Variants in TRIM3 observed in about 807,000 individuals in gnomAD.
TRIM3 encodes tripartite motif-containing protein 3.
TRIM3 carries 13 observed loss-of-function variants against 66.6 expected under a neutral mutation model. The ratio of observed to expected loss-of-function variants is 0.20; its 90% CI spans 0.13 to 0.31. TRIM3 has a LOEUF of 0.31. Among genes scored for constraint, TRIM3 ranks in the 10% least tolerant of loss-of-function variants. TRIM3 has a pLI of 1.00. For missense variants in TRIM3, 711 were observed against 1,020.4 expected (o/e 0.70, Z 4.13); for synonymous variants, 406 against 411.7 (o/e 0.99, Z 0.17).
At chr11:6,470,005 C>G (rs1477091572) in intron 1 of TRIM3, among the ~76,000 whole-genome samples, 3 of 152,172 alleles carry the variant, frequency 2.0e-5, no homozygotes, top group Non-Finnish European at 4.4e-5. Context: ...AAAGATATAT[C>G]ATGCAATGCC....
intron 7 of TRIM3, among the ~76,000 whole-genome samples, chr11:6,453,802 A>G (rs1054942905): frequency 6.6e-6 from 1 of 152,240 alleles, no homozygotes; most frequent in South Asian, 2.1e-4. Flanking sequence ...CCACCATAGA[A>G]GTGTCCAAAA....
chr11:6,472,789 A>G (rs1751679436), intron 1 of TRIM3, among the ~76,000 whole-genome samples: 1 of 152,246 alleles, frequency 6.6e-6, no homozygotes, highest in South Asian at 2.1e-4. Context: ...GCTTTTCCAC[A>G]GCAGAAAGTA....
chr11:6,467,455 C>A (rs1320506778), intron 1 of TRIM3, among the ~76,000 whole-genome samples: 1 of 152,112 alleles, frequency 6.6e-6, no homozygotes. Flanking sequence ...CATGAAGGAC[C>A]TTATAACCGC....
chr11:6,450,605 A>T lies in TRIM3; in HGVS notation c.1887T>A (p.Ala629=). 6.2e-7 allele frequency: 1 copy of T among 1,614,232 alleles called. No homozygotes were observed. The highest frequency in any genetic ancestry group is 8.5e-7 in the Non-Finnish European group (1 of 1,180,044). The part of the protein sequence containing the change: ...DRHFAGPHFV[A]VNNKNEIVVT... ...CTACAATTTCATTCTTGTTGTTCAC[A>T]GCCACAAAATGGGGCCCTGAAAATA... The change falls in exon 10 of 12, where the codon GCT becomes GCA. Residue 629 remains alanine, a synonymous_variant. Coordinates refer to ENST00000345851, the MANE Select transcript of TRIM3 (RefSeq NM_033278.4). This position sits in a 1 kb window ranked among gnomAD's most constrained non-coding sequence, Gnocchi z 4.8.
At chr11:6,469,245 C>G (rs1850587746) in intron 1 of TRIM3, among the ~76,000 whole-genome samples, 1 of 152,144 alleles carries the variant, frequency 6.6e-6, no homozygotes, top group Admixed American at 6.5e-5. Context: ...CTCTCCAAGC[C>G]TAGGGGCTCT....
In TRIM3 at chr11:6,450,709, T is replaced by A. The variant is rs917090314; in HGVS notation, c.1871-88A>T. ...ATCTGGGAAGATAAAAGCTAGGGTG[T>A]TAGGAGAGGGGTGGGGTCTCCAGGA... On this transcript the variant is annotated intron_variant, in intron 9 of 11. Transcript: ENST00000345851. This position sits in a 1 kb window ranked among gnomAD's most constrained non-coding sequence, Gnocchi z 4.8. 9.0e-6 allele frequency: 13 copies of A among 1,451,860 alleles called. No homozygotes were observed. Among genetic ancestry groups the A allele is most frequent in the Middle Eastern group, 1.8e-4 (1 of 5,586 alleles). The allele number at this position is 1,451,860 out of a possible 1,614,324, so 89.9% of individuals were successfully genotyped here.
intron 2 of TRIM3, among the ~76,000 whole-genome samples, chr11:6,464,986 CAAAAAAAA>C (rs544959608): frequency 6.6e-4 from 36 of 54,176 alleles, no homozygotes; most frequent in Admixed American, 1.6e-3. Flanking sequence ...GACTCCATCT[CAAAAAAAA>C]AAAAAAAAAA....
At chr11:6,462,396 TTTC>T (rs1850284982) in intron 2 of TRIM3, among the ~76,000 whole-genome samples, 1 of 151,956 alleles carries the variant, frequency 6.6e-6, no homozygotes, top group South Asian at 2.1e-4. Context: ...CTTGGAAATA[TTTC>T]TTTTTTTTTA....
Position 6,457,074 on chromosome 11 carries a change from G to A in TRIM3, c.697-45C>T. 1.3e-6 allele frequency: 2 copies of A among 1,556,140 alleles called. No homozygotes were observed. Among genetic ancestry groups the A allele is most frequent in the Non-Finnish European group, 1.7e-6 (2 of 1,153,098 alleles). ...GAGTGGGTGAGCAGACTGGCACAGG[G>A]GGAGTCTCTGTGATTACTGAAGTTG... On this transcript the variant is annotated intron_variant, in intron 5 of 11. Transcript: ENST00000345851. This position sits in a 1 kb window ranked among gnomAD's most constrained non-coding sequence, Gnocchi z 4.5.
chr11:6,458,818 C>T lies in TRIM3; in HGVS notation c.132-522G>A, dbSNP rs527434404. On this transcript the variant is annotated intron_variant, in intron 2 of 11. Transcript: ENST00000345851. This position sits in a 1 kb window ranked among gnomAD's most constrained non-coding sequence, Gnocchi z 6.2. ...TGCCCAGGCCCAACACCCCGTTGGTCACCTGTTATACTGTATGACCCCTGA... is the reference window on the plus strand; with the variant it reads ...TGCCCAGGCCCAACACCCCGTTGGTTACCTGTTATACTGTATGACCCCTGA... Among the ~76,000 whole-genome samples the T allele has an allele frequency of 1.3e-5, 2 of 152,250 alleles. No individual in the cohort carries two copies. Among genetic ancestry groups the T allele is most frequent in the Middle Eastern group, 3.4e-3 (1 of 294 alleles).
At chr11:6,463,685 G>C (rs1052463263) in intron 2 of TRIM3, among the ~76,000 whole-genome samples, 1 of 152,156 alleles carries the variant, frequency 6.6e-6, no homozygotes, top group Admixed American at 6.5e-5. Context: ...TAATGGGAGT[G>C]GGGTAACGGG....
At chr11:6,468,790 T>C (rs920000955) in intron 1 of TRIM3, among the ~76,000 whole-genome samples, 1 of 152,168 alleles carries the variant, frequency 6.6e-6, no homozygotes, top group African/African-American at 2.4e-5. Context: ...AAATAGGCAA[T>C]GAATAGGACC....
chr11:6,457,591 G>T lies in TRIM3; in HGVS notation c.515+105C>A. 1.9e-6 allele frequency: 3 copies of T among 1,552,248 alleles called. No homozygotes were observed. On this transcript the variant is annotated intron_variant, in intron 4 of 11. Coordinates refer to ENST00000345851, the MANE Select transcript of TRIM3 (RefSeq NM_033278.4). This position sits in a 1 kb window ranked among gnomAD's most constrained non-coding sequence, Gnocchi z 4.5. ...GAGATCTCCTTCCTGAGACCTCCCT[G>T]AGACTTCCATCTCTGCCCTTCCCAG...
chr11:6,455,209 T>C (rs1849911485), intron 7 of TRIM3, among the ~76,000 whole-genome samples: 1 of 152,118 alleles, frequency 6.6e-6, no homozygotes, highest in Admixed American at 6.5e-5. Context: ...ATGTCAAGTA[T>C]AGTACATCAT....
chr11:6,473,445 G>A (rs536417329), intron 1 of TRIM3, among the ~76,000 whole-genome samples: 21 of 151,914 alleles, frequency 1.4e-4, no homozygotes, highest in Non-Finnish European at 2.6e-4. Context: ...CAGACAAGAT[G>A]GGCCACAATA....
intron 7 of TRIM3, chr11:6,451,819 C>CT (rs1159974925): frequency 4.7e-6 from 1 of 214,242 alleles, no homozygotes; most frequent in Admixed American, 5.4e-5. Flanking sequence ...GAGGACTTGT[C>CT]CAGTGTGGCT....
At chr11:6,474,049 C>CCCCGCCTGCCCACCCCGCCTGCCCAT (rs1850831234), upstream of TRIM3, 1 of 148,984 alleles carries the variant, frequency 6.7e-6, no homozygotes, top group African/African-American at 2.5e-5. Context: ...GCCCCGCCCA[C>CCCCGCCTGCCCACCCCGCCTGCCCAT]CCCGCCTGCC....
chr11:6,456,038 T>C lies in TRIM3; in HGVS notation c.1533+34A>G. ...TAGCCTGTAGCTTGAAAACTCTTATTTTGGTGGTGGAGGAGAGCGGTAAAG... is the reference window on the plus strand; with the variant it reads ...TAGCCTGTAGCTTGAAAACTCTTATCTTGGTGGTGGAGGAGAGCGGTAAAG... On this transcript the variant is annotated intron_variant, in intron 7 of 11. Coordinates refer to ENST00000345851, the MANE Select transcript of TRIM3 (RefSeq NM_033278.4). The surrounding 1 kb of genome is among the most constrained non-coding windows in gnomAD (Gnocchi z 6.4). 6.3e-7 allele frequency: 1 copy of C among 1,596,840 alleles called. No homozygotes were observed. Among genetic ancestry groups the C allele is most frequent in the Non-Finnish European group, 8.6e-7 (1 of 1,164,414 alleles).
chr11:6,460,482 A>T (rs1850177869), intron 2 of TRIM3, among the ~76,000 whole-genome samples: 1 of 152,076 alleles, frequency 6.6e-6, no homozygotes, highest in African/African-American at 2.4e-5. Context: ...GATCTTGAGG[A>T]TTGGGGAGTG....
Sources: gnomAD v4.1 joint callset for allele counts (sites outside exome capture counted in the v4.1 genomes callset) on GRCh38, gnomAD v4.1.1 for gene constraint, Gnocchi (gnomAD v3.1) non-coding constraint, MANE v1.5 for transcripts, NCBI Gene and HGNC (gene_info 2026-07-23, HGNC 2026-07-21) for gene names.